The following TNRC18 variants were observed in gnomAD, a reference collection of about 807,000 sequenced individuals.
TNRC18 encodes trinucleotide repeat-containing gene 18 protein.
In TNRC18, 69 loss-of-function variants were observed where a neutral mutation model predicts 226.7. The ratio of observed to expected loss-of-function variants is 0.30; its 90% CI spans 0.25 to 0.37. The LOEUF is 0.37. Among genes scored for constraint, TNRC18 ranks in the 10% least tolerant of loss-of-function variants. The pLI is 1.00. For missense variants in TNRC18, 4,754 were observed against 4,256.6 expected (o/e 1.12, Z -3.25); for synonymous variants, 2,449 against 1,927.6 (o/e 1.27, Z -7.09).
chr7:5,410,516 A>T (rs1242421712), intron 2 of TNRC18, among the ~76,000 whole-genome samples: 2 of 152,068 alleles, frequency 1.3e-5, no homozygotes, highest in African/African-American at 2.4e-5. Flanking sequence ...AGTAAATGCA[A>T]AAAGACCCCA....
rs1788697923 is a variant in TNRC18, at chr7:5,324,495, G to C, written c.6301-140C>G. 2 of 1,237,800 alleles carry C rather than the reference G, an allele frequency of 1.6e-6. No homozygotes were observed. Among genetic ancestry groups the C allele is most frequent in the Non-Finnish European group, 2.2e-6 (2 of 898,094 alleles). The allele number at this position is 1,237,800 out of a possible 1,614,324, so 76.7% of individuals were successfully genotyped here. On this transcript the variant is annotated intron_variant, in intron 20 of 29. Coordinates refer to ENST00000430969, the MANE Select transcript of TNRC18 (RefSeq NM_001080495.3). The surrounding 1 kb of genome is among the most constrained non-coding windows in gnomAD (Gnocchi z 4.8). ...TGTGCATGGCAGGGATCCCAGTTAGGGGCACCCCAGAGGCCAGGGGGAAGG... is the reference window on the plus strand; with the variant it reads ...TGTGCATGGCAGGGATCCCAGTTAGCGGCACCCCAGAGGCCAGGGGGAAGG...
chr7:5,369,720 T>C (rs1793970084), intron 11 of TNRC18, among the ~76,000 whole-genome samples: 1 of 152,164 alleles, frequency 6.6e-6, no homozygotes, highest in African/African-American at 2.4e-5. Context: ...GGACTTCAGT[T>C]CCAAGAGCCA....
At chr7:5,317,215 C>T (rs1345392105) in intron 24 of TNRC18, among the ~76,000 whole-genome samples, 1 of 151,962 alleles carries the variant, frequency 6.6e-6, no homozygotes, top group Non-Finnish European at 1.5e-5. Context: ...CCCCAGACGC[C>T]TAAGGAGTTC....
At chr7:5,420,476 G>A (rs1391852149) in intron 2 of TNRC18, 4 of 451,104 alleles carry the variant, frequency 8.9e-6, no homozygotes, top group East Asian at 7.0e-5. Flanking sequence ...CCGTTCTCCC[G>A]GGGAAGAAAG....
At chr7:5,338,588 T>G (rs1475265004) in intron 18 of TNRC18, among the ~76,000 whole-genome samples, 5 of 140,592 alleles carry the variant, frequency 3.6e-5, no homozygotes, top group Non-Finnish European at 7.6e-5. Flanking sequence ...ATTGTGTCAC[T>G]GCACTCCAGC....
At chr7:5,354,672 G>A (rs1792157364) in intron 16 of TNRC18, among the ~76,000 whole-genome samples, 1 of 152,116 alleles carries the variant, frequency 6.6e-6, no homozygotes, top group Admixed American at 6.6e-5. Context: ...GAAGGCATGA[G>A]CCAGCTGCTT....
chr7:5,312,572 C>T lies in TNRC18; in HGVS notation c.8319G>A (p.Glu2773=). 2 of 1,611,342 alleles carry T rather than the reference C, an allele frequency of 1.2e-6. No homozygotes were observed. Among genetic ancestry groups the T allele is most frequent in the African/African-American group, 2.7e-5 (2 of 74,986 alleles). The part of the protein sequence containing the change: ...LAKRQRLPSV[E]NRPKIAAFLP... The stretch of plus-strand genomic sequence containing the variant: ...GGAAGGCGGCGATCTTGGGCCGGTT[C>T]TCCACGGACGGCAGGCGCTGCCGCT... Residue 2773 remains glutamate (E), a synonymous_variant, in exon 27 of 30, where the codon GAG becomes GAA. Transcript: ENST00000430969. The surrounding 1 kb of genome is among the most constrained non-coding windows in gnomAD (Gnocchi z 6.3).
Position 5,344,642 on chromosome 7 carries a change from C to T in TNRC18, c.5719+920G>A, listed in dbSNP as rs977259051. Among the ~76,000 whole-genome samples the T allele has an allele frequency of 3.3e-5, 5 of 152,148 alleles. No individual in the cohort carries two copies. In the South Asian group the frequency reaches 8.3e-4, roughly 25 times the overall value. ...CCTGTTTTCCTGTCCTAGCCCCTGC[C>T]AGGAGAGCCTCATACCTACCCCTAC... On this transcript the variant is annotated intron_variant, in intron 18 of 29. Transcript: ENST00000430969.
At chr7:5,325,726 T>C (rs1198859210) in intron 19 of TNRC18, among the ~76,000 whole-genome samples, 1 of 5,562 alleles carries the variant, frequency 1.8e-4, no homozygotes, top group Non-Finnish European at 2.9e-4. Context: ...GCCCTGCAAT[T>C]TTTTTTTTTT....
At chr7:5,316,857 G>A (rs1480512585) in intron 24 of TNRC18, among the ~76,000 whole-genome samples, 1 of 152,142 alleles carries the variant, frequency 6.6e-6, no homozygotes, top group Non-Finnish European at 1.5e-5. Flanking sequence ...ATCCTGCCAA[G>A]GCTCGTGCTG....
In TNRC18 at chr7:5,313,704, G is replaced by C; in HGVS notation, c.7187C>G (p.Pro2396Arg). 3 of 1,595,812 alleles carry C rather than the reference G, an allele frequency of 1.9e-6. No homozygotes were observed. Among genetic ancestry groups the C allele is most frequent in the Non-Finnish European group, 2.6e-6 (3 of 1,171,280 alleles). Reference sequence around the variant, plus strand: ...GGTGAAGGCGGGTGGTGCGGGACTGGGCTGCGGCGGTGCCGGGCGCGCCTT... The same window carrying C: ...GGTGAAGGCGGGTGGTGCGGGACTGCGCTGCGGCGGTGCCGGGCGCGCCTT... ...APKARPAPPQPSPAPPAFTSC... is the reference protein window; with the variant it reads ...APKARPAPPQRSPAPPAFTSC... The change falls in exon 27 of 30, where the codon CCC becomes CGC. Residue 2396 changes from proline (P) to arginine (R), a missense_variant. Transcript: ENST00000430969.
At chr7:5,414,742 A>G (rs1410932388) in intron 2 of TNRC18, among the ~76,000 whole-genome samples, 1 of 152,192 alleles carries the variant, frequency 6.6e-6, no homozygotes, top group Non-Finnish European at 1.5e-5. Flanking sequence ...TCCTAAGAAC[A>G]AGGACATTCT....
intron 16 of TNRC18, among the ~76,000 whole-genome samples, chr7:5,355,259 G>C (rs1307721035): frequency 6.6e-6 from 1 of 150,790 alleles, no homozygotes; most frequent in Non-Finnish European, 1.5e-5. Context: ...CCATGAGGAC[G>C]CTCCAATCTG....
Position 5,308,822 on chromosome 7 carries a change from G to A in TNRC18, c.8700+53C>T, listed in dbSNP as rs563268089. The A allele has an allele frequency of 7.2e-5, 110 of 1,535,918 alleles. 1 individual carries two copies. The Admixed American group carries it at 1.1e-3, about 15-fold the overall frequency. On this transcript the variant is annotated intron_variant, in intron 29 of 29. Coordinates refer to ENST00000430969, the MANE Select transcript of TNRC18 (RefSeq NM_001080495.3). ...GAGCCGGGCCCTGTCTGAGCTGCCC[G>A]GAAGGAAGCAGCCATCCCCAACCCG...
chr7:5,386,701 G>T (rs890891286), intron 5 of TNRC18, among the ~76,000 whole-genome samples: 1 of 152,108 alleles, frequency 6.6e-6, no homozygotes, highest in African/African-American at 2.4e-5. Flanking sequence ...GGTAAGCTAT[G>T]ATCACACCAC....
At chr7:5,409,990 CA>C (rs775692873) in intron 2 of TNRC18, among the ~76,000 whole-genome samples, 2,198 of 119,436 alleles carry the variant, frequency 0.018, 47 homozygotes, top group African/African-American at 0.055. Flanking sequence ...GACTACGTCT[CA>C]AAAAAAAAAA....
chr7:5,392,944 G>A (rs773762457), intron 3 of TNRC18, among the ~76,000 whole-genome samples: 14 of 151,846 alleles, frequency 9.2e-5, no homozygotes, highest in Non-Finnish European at 1.6e-4. Flanking sequence ...CCTGGGAGGC[G>A]GAGGTTGCAG....
rs996127072 is a variant in TNRC18 at position 5,377,955 on chromosome 7, G to A, written c.2222C>T (p.Ala741Val). The A allele has an allele frequency of 2.5e-6, 4 of 1,613,182 alleles. No individual in the cohort carries two copies. Among genetic ancestry groups the A allele is most frequent in the Non-Finnish European group, 2.5e-6 (3 of 1,179,724 alleles). Reference sequence around the variant, plus strand: ...CTTCTCCTGATCCCGGTCCAGCCGTGCCCCGAGCAGCCGTTCCTCCCGGTG... The same window carrying A: ...CTTCTCCTGATCCCGGTCCAGCCGTACCCCGAGCAGCCGTTCCTCCCGGTG... ...ARHREERLLGARLDRDQEKLL... is the reference protein window; with the variant it reads ...ARHREERLLGVRLDRDQEKLL... The change falls in exon 6 of 30, where the codon GCA becomes GTA. Residue 741 changes from alanine (A) to valine (V), a missense_variant. By Grantham distance (64) the Ala-to-Val change is moderately conservative (BLOSUM62 0). Coordinates refer to ENST00000430969, the MANE Select transcript of TNRC18 (RefSeq NM_001080495.3). This position sits in a 1 kb window ranked among gnomAD's most constrained non-coding sequence, Gnocchi z 5.8.
intron 2 of TNRC18, among the ~76,000 whole-genome samples, chr7:5,412,176 G>C (rs184573850): frequency 6.9e-6 from 1 of 145,164 alleles, no homozygotes; most frequent in African/African-American, 2.5e-5. Flanking sequence ...GTAACAGAGC[G>C]AGACCCAGCG....
Sources: gnomAD v4.1 joint callset for allele counts (sites outside exome capture counted in the v4.1 genomes callset) on GRCh38, gnomAD v4.1.1 for gene constraint, Gnocchi (gnomAD v3.1) non-coding constraint, MANE v1.5 for transcripts, NCBI Gene and HGNC (gene_info 2026-07-23, HGNC 2026-07-21) for gene names.